DCAF8L2: variants seen among roughly 807,000 people sequenced by gnomAD.
DCAF8L2 encodes the protein DDB1- and CUL4-associated factor 8-like protein 2.
For synonymous variants in DCAF8L2, 200 were observed against 190.9 expected, an observed-to-expected ratio of 1.05 and a Z score of -0.39; for missense variants, 430 against 490.7, an observed-to-expected ratio of 0.88 and a Z score of 1.17.
At chrX:27,550,176 C>A in the DCAF8L2 span, among the ~76,000 whole-genome samples, 3 of 111,984 alleles carry the variant, frequency 2.7e-5, no homozygotes, top group East Asian at 5.6e-4. Flanking sequence ...AGTTGGCAGG[C>A]AATAAGTAGC....
chrX:27,665,352 G>A (rs1929704356), intron 2 of DCAF8L2, among the ~76,000 whole-genome samples: 1 of 111,666 alleles, frequency 9.0e-6, no homozygotes, highest in Admixed American at 9.6e-5. Context: ...GGAGCCTGAA[G>A]ATGTGACTGA....
chrX:27,547,907 C>CTCTCTG, the DCAF8L2 span, among the ~76,000 whole-genome samples: 1 of 96,134 alleles, frequency 1.0e-5, no homozygotes, highest in Non-Finnish European at 2.1e-5. Context: ...CTCTCTCTCT[C>CTCTCTG]TCTCCTGTTG....
intron 1 of DCAF8L2, among the ~76,000 whole-genome samples, chrX:27,592,045 C>T (rs138361655): frequency 2.0e-3 from 228 of 112,837 alleles, no homozygotes; most frequent in African/African-American, 6.9e-3. Context: ...ACAGCAGCTT[C>T]ACCACCCACC....
At chrX:27,705,794 A>G (rs1007582905) in intron 3 of DCAF8L2, among the ~76,000 whole-genome samples, 1 of 111,801 alleles carries the variant, frequency 8.9e-6, no homozygotes, top group South Asian at 3.7e-4. Flanking sequence ...TAGTTTAATT[A>G]GATTCTATTT....
At chrX:27,689,212 C>T (rs975514502) in intron 3 of DCAF8L2, among the ~76,000 whole-genome samples, 7 of 112,344 alleles carry the variant, frequency 6.2e-5, no homozygotes, top group African/African-American at 2.3e-4. Context: ...AATGTACTCA[C>T]ATATACACCA....
chrX:27,743,261 T>G lies in DCAF8L2; in HGVS notation c.-58-3577T>G, dbSNP rs773017279. Among the ~76,000 whole-genome samples the G allele has an allele frequency of 3.6e-5, 4 of 110,656 alleles. No individual in the cohort carries two copies. In the East Asian group the frequency reaches 1.1e-3, roughly 32 times the overall value. ...TGCTATCACACCTGACTAATTCTTT[T>G]GAAAGGTTCTCACATTTTAAACAGT... On this transcript the variant is annotated intron_variant, in intron 4 of 4. Transcript: ENST00000451261.
chrX:27,673,688 T>C (rs1930041569), intron 2 of DCAF8L2, among the ~76,000 whole-genome samples: 2 of 108,652 alleles, frequency 1.8e-5, no homozygotes, highest in South Asian at 7.8e-4. Context: ...TGTGTATATA[T>C]ACGTGGTTGT....
the DCAF8L2 span, among the ~76,000 whole-genome samples, chrX:27,494,213 C>T: frequency 9.0e-6 from 1 of 110,775 alleles, no homozygotes; most frequent in Non-Finnish European, 1.9e-5. Context: ...CAAGACCAGC[C>T]TGACCAACAT....
the DCAF8L2 span, among the ~76,000 whole-genome samples, chrX:27,555,682 A>T: frequency 8.9e-6 from 1 of 111,957 alleles, no homozygotes; most frequent in East Asian, 2.8e-4. Context: ...TACAATGTTA[A>T]ACTTTCTCAC....
chrX:27,521,252 C>CCAGAATTCTTT, the DCAF8L2 span, among the ~76,000 whole-genome samples: 1 of 112,117 alleles, frequency 8.9e-6, no homozygotes, highest in Non-Finnish European at 1.9e-5. Context: ...TTTTCCGTCA[C>CCAGAATTCTTT]CAGAATTCTT....
At chrX:27,733,779 A>T (rs1429053148) in intron 4 of DCAF8L2, among the ~76,000 whole-genome samples, 1 of 111,734 alleles carries the variant, frequency 8.9e-6, no homozygotes, top group African/African-American at 3.3e-5. Flanking sequence ...CATGAATTGA[A>T]GAAAATATCC....
chrX:27,576,101 G>A, the DCAF8L2 span, among the ~76,000 whole-genome samples: 3 of 112,398 alleles, frequency 2.7e-5, no homozygotes, highest in Non-Finnish European at 5.6e-5. Flanking sequence ...ATAAGTCAAA[G>A]TATGTGTAGT....
chrX:27,549,935 T>C, the DCAF8L2 span, among the ~76,000 whole-genome samples: 1 of 111,970 alleles, frequency 8.9e-6, no homozygotes, highest in African/African-American at 3.2e-5. Context: ...ACTTGCCCTC[T>C]AGATTGAAGG....
chrX:27,513,011 A>G, the DCAF8L2 span, among the ~76,000 whole-genome samples: 2 of 111,094 alleles, frequency 1.8e-5, no homozygotes, highest in Admixed American at 1.9e-4. Context: ...AGTCTCTTCA[A>G]TAAATGGTGC....
At chrX:27,568,803 T>A in the DCAF8L2 span, among the ~76,000 whole-genome samples, 1 of 108,681 alleles carries the variant, frequency 9.2e-6, no homozygotes, top group East Asian at 2.9e-4. Context: ...GTATATCTCC[T>A]AATGCTATCC....
the DCAF8L2 span, among the ~76,000 whole-genome samples, chrX:27,538,385 T>TTTTATTTA: frequency 9.1e-6 from 1 of 110,322 alleles, no homozygotes; most frequent in Non-Finnish European, 1.9e-5. Flanking sequence ...CAACAAAAAT[T>TTTTATTTA]TTTATTTATT....
At chrX:27,477,381 G>C in the DCAF8L2 span, among the ~76,000 whole-genome samples, 2 of 111,189 alleles carry the variant, frequency 1.8e-5, no homozygotes, top group Non-Finnish European at 3.8e-5. Flanking sequence ...TCTGCCTCCC[G>C]GGTTCATGCT....
chrX:27,502,965 A>G, the DCAF8L2 span, among the ~76,000 whole-genome samples: 4 of 111,923 alleles, frequency 3.6e-5, no homozygotes, highest in Non-Finnish European at 5.6e-5. Flanking sequence ...ACTTCCATAC[A>G]TTGCATACAT....
upstream of DCAF8L2, among the ~76,000 whole-genome samples, chrX:27,588,340 T>C (rs1410447428): frequency 9.0e-6 from 1 of 110,935 alleles, no homozygotes; most frequent in Non-Finnish European, 1.9e-5. Flanking sequence ...TCTATCTTTT[T>C]TGTGGCTGCA....
Sources: gnomAD v4.1 joint callset for allele counts (sites outside exome capture counted in the v4.1 genomes callset) on GRCh38, gnomAD v4.1.1 for gene constraint, MANE v1.5 for transcripts, NCBI Gene and HGNC (gene_info 2026-07-23, HGNC 2026-07-21) for gene names.